AMPH: variants seen among roughly 807,000 people sequenced by gnomAD.
AMPH encodes the protein amphiphysin.
AMPH carries 49 observed loss-of-function variants against 99.1 expected under a neutral mutation model. That is an observed-to-expected ratio of 0.49 (90% CI 0.39 to 0.63). The LOEUF (loss-of-function observed/expected upper bound fraction) is 0.63, where lower values mean the gene tolerates loss of function less well. Ranked by LOEUF, AMPH falls within the 20% of genes least tolerant of loss-of-function variation. The pLI is 0.00. For synonymous variants in AMPH, 314 were observed against 317.3 expected, an observed-to-expected ratio of 0.99 and a Z score of 0.11; for missense variants, 759 against 863.4, an observed-to-expected ratio of 0.88 and a Z score of 1.52.
intron 11 of AMPH, among the ~76,000 whole-genome samples, chr7:38,437,625 CAA>C (rs70977404): frequency 7.1e-4 from 67 of 94,810 alleles, no homozygotes; most frequent in East Asian, 3.4e-3. Context: ...ACTAAAAATA[CAA>C]AAAAAAAAAA....
At chr7:38,582,878 G>A (rs1402041147) in intron 1 of AMPH, among the ~76,000 whole-genome samples, 2 of 152,216 alleles carry the variant, frequency 1.3e-5, no homozygotes, top group African/African-American at 4.8e-5. Flanking sequence ...AGGGCCGGAT[G>A]TCAAAATGAA....
chr7:38,560,800 C>T (rs1192893125), intron 1 of AMPH, among the ~76,000 whole-genome samples: 3 of 152,150 alleles, frequency 2.0e-5, no homozygotes, highest in African/African-American at 7.2e-5. Flanking sequence ...TGGGTAGCTT[C>T]GAAAAAATAC....
chr7:38,614,135 T>C (rs1471858686), intron 1 of AMPH, among the ~76,000 whole-genome samples: 1 of 152,190 alleles, frequency 6.6e-6, no homozygotes, highest in Non-Finnish European at 1.5e-5. Flanking sequence ...GATGAGAGCT[T>C]AGCCACATGA....
In AMPH at chr7:38,406,724, C is replaced by CT. The variant is rs1562732375; in HGVS notation, c.1398+11100_1398+11101insA. Reference sequence around the variant, plus strand: ...GTTCTCTCTCCTCTCCTCTCTCTCTCCCTTTCCCTCTCTCTCTCTCTCTCT... The same window carrying CT: ...GTTCTCTCTCCTCTCCTCTCTCTCTCTCCTTTCCCTCTCTCTCTCTCTCTCT... On this transcript the variant is annotated intron_variant, in intron 17 of 20. Coordinates refer to ENST00000356264, the MANE Select transcript of AMPH (RefSeq NM_001635.4). Among the ~76,000 whole-genome samples the CT allele has an allele frequency of 9.3e-3, 802 of 86,094 alleles. 13 individuals carry two copies. Among genetic ancestry groups the CT allele is most frequent in the East Asian group, 0.08 (175 of 2,186 alleles). 56.5% of individuals were successfully genotyped at this position (86,094 alleles called of 152,430 possible). A position where few individuals can be genotyped will look rare whatever the true frequency, so the allele number is the denominator to read the frequency against.
chr7:38,438,906 T>G (rs527627381), intron 11 of AMPH, among the ~76,000 whole-genome samples: 1 of 152,328 alleles, frequency 6.6e-6, no homozygotes, highest in South Asian at 2.1e-4. Flanking sequence ...TTAGCAACAA[T>G]GCATACATGT....
At chr7:38,483,993 G>A (rs10229905) in intron 5 of AMPH, among the ~76,000 whole-genome samples, 29,652 of 151,652 alleles carry the variant, frequency 0.2, 3,108 homozygotes, top group Middle Eastern at 0.24. Flanking sequence ...CTGGGGGGGC[G>A]TTCAGTAGAA....
At chr7:38,441,860 C>CAT (rs1313066439) in intron 11 of AMPH, among the ~76,000 whole-genome samples, 1 of 89,232 alleles carries the variant, frequency 1.1e-5, no homozygotes, top group Admixed American at 1.3e-4. Flanking sequence ...TCATATATAT[C>CAT]ATATATATCA....
intron 17 of AMPH, among the ~76,000 whole-genome samples, chr7:38,409,122 A>G (rs927632654): frequency 6.6e-5 from 10 of 152,204 alleles, no homozygotes; most frequent in African/African-American, 1.9e-4. Context: ...CTAATTTGCT[A>G]TGGAGCTGGA....
chr7:38,503,714 A>G lies in AMPH; in HGVS notation c.151-10T>C, dbSNP rs368749946. On this transcript the variant is annotated splice_polypyrimidine_tract_variant and intron_variant, in intron 2 of 20. Coordinates refer to ENST00000356264, the MANE Select transcript of AMPH (RefSeq NM_001635.4). ...GTCTGGTACCCTCTGCCTAAAAAAC[A>G]CAAGCACAGATGCTAAATATCTAGT... is the stretch of plus-strand genomic sequence containing the variant. 2 of 1,613,568 alleles carry G rather than the reference A, an allele frequency of 1.2e-6. No individual in the cohort carries two copies. The highest frequency in any genetic ancestry group is 1.7e-6 in the Non-Finnish European group (2 of 1,179,610).
chr7:38,619,582 C>T (rs1284084037), intron 1 of AMPH, among the ~76,000 whole-genome samples: 1 of 152,196 alleles, frequency 6.6e-6, no homozygotes, highest in Non-Finnish European at 1.5e-5. Context: ...AACAGTTATT[C>T]TCAAGCGTAC....
chr7:38,543,762 A>G (rs571233888), intron 1 of AMPH, among the ~76,000 whole-genome samples: 11 of 152,198 alleles, frequency 7.2e-5, no homozygotes, highest in Non-Finnish European at 1.6e-4. Context: ...TCTTTCTGGA[A>G]TAGTGTTTCC....
At chr7:38,605,975 C>T (rs1160132868) in intron 1 of AMPH, among the ~76,000 whole-genome samples, 1 of 152,214 alleles carries the variant, frequency 6.6e-6, no homozygotes, top group Non-Finnish European at 1.5e-5. Flanking sequence ...ACCTCACTTA[C>T]TCCTCACAAC....
At chr7:38,619,195 T>TA (rs937432685) in intron 1 of AMPH, among the ~76,000 whole-genome samples, 19 of 149,188 alleles carry the variant, frequency 1.3e-4, no homozygotes, top group Non-Finnish European at 2.1e-4. Flanking sequence ...GTCTCTTAAA[T>TA]AAAAAAAAAG....
At chr7:38,434,283 C>T (rs115330956) in intron 12 of AMPH, among the ~76,000 whole-genome samples, 268 of 152,242 alleles carry the variant, frequency 1.8e-3, no homozygotes, top group African/African-American at 6.0e-3. Flanking sequence ...ATCTCTTAGT[C>T]ATAAGGCCAC....
intron 1 of AMPH, among the ~76,000 whole-genome samples, chr7:38,555,629 C>A (rs546442867): frequency 6.6e-6 from 1 of 152,150 alleles, no homozygotes; most frequent in Non-Finnish European, 1.5e-5. Context: ...TTTCCAGAAT[C>A]TTCATAAACA....
At chr7:38,547,859 C>A (rs1190459552) in intron 1 of AMPH, among the ~76,000 whole-genome samples, 1 of 152,090 alleles carries the variant, frequency 6.6e-6, no homozygotes, top group African/African-American at 2.4e-5. Context: ...GATTAGACTT[C>A]CACTGAATAT....
intron 12 of AMPH, among the ~76,000 whole-genome samples, chr7:38,435,843 C>T (rs1003976953): frequency 5.3e-5 from 8 of 152,274 alleles, no homozygotes; most frequent in Middle Eastern, 3.4e-3. Flanking sequence ...TCTGCTGGCC[C>T]GTGCTTTCAT....
intron 1 of AMPH, among the ~76,000 whole-genome samples, chr7:38,628,956 A>G (rs1403735544): frequency 1.3e-5 from 2 of 152,242 alleles, no homozygotes; most frequent in Non-Finnish European, 2.9e-5. Flanking sequence ...TTTTAGGTGA[A>G]GCACAGATGA....
At chr7:38,573,562 T>C (rs562847124) in intron 1 of AMPH, among the ~76,000 whole-genome samples, 6 of 152,346 alleles carry the variant, frequency 3.9e-5, no homozygotes, top group Admixed American at 3.9e-4. Flanking sequence ...TTATTTACTT[T>C]TCAATATTCT....
Sources: gnomAD v4.1 joint callset for allele counts (sites outside exome capture counted in the v4.1 genomes callset) on GRCh38, gnomAD v4.1.1 for gene constraint, MANE v1.5 for transcripts, NCBI Gene and HGNC (gene_info 2026-07-23, HGNC 2026-07-21) for gene names.